ARPC5L: variants seen among roughly 807,000 people sequenced by gnomAD.
ARPC5L encodes actin related protein 2/3 complex subunit 5 like, also known as actin-related protein 2/3 complex subunit 5-like protein.
A neutral mutation model predicts 16.9 loss-of-function variants in ARPC5L; 4 were observed. The observed-to-expected ratio is 0.24, with a 90% CI of 0.12 to 0.54. The LOEUF is 0.54. Among genes scored for constraint, ARPC5L ranks in the 20% least tolerant of loss-of-function variants. The pLI, the probability that ARPC5L is intolerant of heterozygous loss-of-function variation, is 0.95. For missense variants in ARPC5L, 151 were observed against 201.9 expected (o/e 0.75, Z 1.53); for synonymous variants, 78 against 82.6 (o/e 0.94, Z 0.30).
chr9:124,863,071 C>T (rs867844432), intron 1 of ARPC5L, among the ~76,000 whole-genome samples: 8 of 152,176 alleles, frequency 5.3e-5, no homozygotes, highest in African/African-American at 1.4e-4. Flanking sequence ...TCAAGCAATC[C>T]GCCCTCCTCG....
Position 124,869,055 on chromosome 9 carries a change from G to C in ARPC5L, c.-236G>C. 1 of 399,718 alleles carries C rather than the reference G, an allele frequency of 2.5e-6. No individual in the cohort carries two copies. Among genetic ancestry groups the C allele is most frequent in the South Asian group, 8.5e-5 (1 of 11,796 alleles). 24.8% of individuals were successfully genotyped at this position (399,718 alleles called of 1,614,324 possible). On this transcript the variant is annotated 5_prime_UTR_variant, in exon 3 of 6. Transcript: ENST00000353214. ...GGGACACTGAGGTGGGGGAGGCTGC[G>C]GTGATCCCATACCGCACTCCAGGTG...
chr9:124,864,210 G>T (rs1829240957), intron 2 of ARPC5L, 103 bp downstream of exon 2: 1 of 150,382 alleles, frequency 6.6e-6, no homozygotes, highest in African/African-American at 2.4e-5. Flanking sequence ...TTTTGAAATG[G>T]AGTCTTGCTG....
At chr9:124,863,026 T>C (rs1316803088) in intron 1 of ARPC5L, among the ~76,000 whole-genome samples, 2 of 151,608 alleles carry the variant, frequency 1.3e-5, no homozygotes, top group Non-Finnish European at 2.9e-5. Flanking sequence ...TTGTTTATTT[T>C]TTGTAGAGCT....
rs370151427 is a variant in ARPC5L at position 124,876,802 on chromosome 9, C to T, written c.400-76C>T. 6.1e-5 allele frequency: 73 copies of T among 1,205,176 alleles called. No homozygotes were observed. The East Asian group carries it at 1.3e-3, about 21-fold the overall frequency. 74.7% of individuals were successfully genotyped at this position (1,205,176 alleles called of 1,614,324 possible). On this transcript the variant is annotated intron_variant, in intron 5 of 5. Coordinates refer to ENST00000353214, the MANE Select transcript of ARPC5L (RefSeq NM_030978.3). ...CGGGATCTAGGTCAGGGAATGTCCC[C>T]CCTGTCTCTGGCAAGCCAGGCTCCC...
chr9:124,866,392 A>C (rs1829271173), intron 2 of ARPC5L, among the ~76,000 whole-genome samples: 1 of 152,088 alleles, frequency 6.6e-6, no homozygotes, highest in East Asian at 1.9e-4. Context: ...CAACAGAGTG[A>C]GGCTCCATCT....
At chr9:124,870,319 T>G (rs1829337245) in intron 3 of ARPC5L, among the ~76,000 whole-genome samples, 1 of 152,236 alleles carries the variant, frequency 6.6e-6, no homozygotes, top group Admixed American at 6.5e-5. Flanking sequence ...TGCTTGGTCC[T>G]TTAGCAGTAT....
rs1253547068 is a variant in ARPC5L, at chr9:124,869,314, G to T, written c.24G>T (p.Ser8=). Residue 8 remains serine, a synonymous_variant, in exon 3 of 6, where the codon TCG becomes TCT. Coordinates refer to ENST00000353214, the MANE Select transcript of ARPC5L (RefSeq NM_030978.3). ...CCATGGCCCGGAACACGCTGTCCTCGCGCTTCCGCCGGGTGGACATCGACG... is the reference window on the plus strand; with the variant it reads ...CCATGGCCCGGAACACGCTGTCCTCTCGCTTCCGCCGGGTGGACATCGACG... MARNTLS[S]RFRRVDIDEF... The T allele has an allele frequency of 1.3e-6, 2 of 1,531,006 alleles. No individual in the cohort carries two copies. The highest frequency in any genetic ancestry group is 1.2e-5 in the South Asian group (1 of 83,402). 94.8% of individuals were successfully genotyped at this position (1,531,006 alleles called of 1,614,324 possible).
intron 1 of ARPC5L, among the ~76,000 whole-genome samples, chr9:124,862,816 A>C (rs551043551): frequency 6.7e-6 from 1 of 150,034 alleles, no homozygotes; most frequent in African/African-American, 2.4e-5. Context: ...GTGAGCCACC[A>C]CGCCTGGCCC....
In ARPC5L at chr9:124,868,671, G is replaced by A. The variant is rs144777614; in HGVS notation, c.-620G>A. 1,316 of 152,424 alleles carry A rather than the reference G, an allele frequency of 8.6e-3. 51 individuals are homozygous for A. Among genetic ancestry groups the A allele is most frequent in the Admixed American group, 0.066 (1,012 of 15,310 alleles). The allele number at this position is 152,424 out of a possible 1,614,324, so 9.4% of individuals were successfully genotyped here. ...TTAAGAGGGTCACCTCTGTGTACAGGCGGCCTCCTCGTACTAAGTGTGGTG... is the reference window on the plus strand; with the variant it reads ...TTAAGAGGGTCACCTCTGTGTACAGACGGCCTCCTCGTACTAAGTGTGGTG... On this transcript the variant is annotated 5_prime_UTR_variant, in exon 3 of 6. Transcript: ENST00000353214.
rs1829302370 is a variant in ARPC5L at position 124,868,520 on chromosome 9, GCCC to G, written c.-768_-766del. On this transcript the variant is annotated 5_prime_UTR_variant, in exon 3 of 6. Transcript: ENST00000353214. ...CACAGGGCCATCTCCCTCTCCTGGC[GCCC>G]CCAACTGCCTGGCCAAGGTGACTGC... The G allele has an allele frequency of 6.6e-6, 1 of 152,252 alleles. No homozygotes were observed. Among genetic ancestry groups the G allele is most frequent in the African/African-American group, 2.4e-5 (1 of 41,454 alleles). The allele number at this position is 152,252 out of a possible 1,614,324, so 9.4% of individuals were successfully genotyped here.
chr9:124,867,689 T>A (rs1193646323), intron 2 of ARPC5L, among the ~76,000 whole-genome samples: 1 of 152,206 alleles, frequency 6.6e-6, no homozygotes, highest in Non-Finnish European at 1.5e-5. Flanking sequence ...GTTCTGGGGA[T>A]ATGAATTTCT....
At chr9:124,863,503 A>T (rs1325855594) in intron 1 of ARPC5L, among the ~76,000 whole-genome samples, 1 of 152,210 alleles carries the variant, frequency 6.6e-6, no homozygotes, top group Non-Finnish European at 1.5e-5. Context: ...CTCTGCTGCC[A>T]AGGTAGTAGT....
intron 1 of ARPC5L, 65 bp from the exon 2 acceptor site, chr9:124,863,923 C>A (rs1157136129): frequency 6.6e-6 from 1 of 152,236 alleles, no homozygotes; most frequent in Non-Finnish European, 1.5e-5. Flanking sequence ...AACCTCTGTG[C>A]AATCCTTTCC....
At chr9:124,869,606 T>G (rs1262045870) in intron 3 of ARPC5L, among the ~76,000 whole-genome samples, 167 bp downstream of exon 3, 1 of 152,206 alleles carries the variant, frequency 6.6e-6, no homozygotes, top group Non-Finnish European at 1.5e-5. Context: ...CCGTGCTCCC[T>G]TGAGTCCCAG....
intron 1 of ARPC5L, among the ~76,000 whole-genome samples, chr9:124,863,126 G>A (rs1829226560): frequency 6.6e-6 from 1 of 152,058 alleles, no homozygotes; most frequent in African/African-American, 2.4e-5. Context: ...CACCTCGCCT[G>A]GCCATACAGC....
intron 4 of ARPC5L, among the ~76,000 whole-genome samples, chr9:124,874,707 T>TTCTC (rs35052557): frequency 0.34 from 50,611 of 149,304 alleles, 9,060 homozygotes; most frequent in Middle Eastern, 0.45. Context: ...CTCTTTTCTC[T>TTCTC]TCTCTCTCTC....
chr9:124,875,903 T>C (rs1277166062), intron 5 of ARPC5L, among the ~76,000 whole-genome samples: 3 of 152,180 alleles, frequency 2.0e-5, no homozygotes, highest in African/African-American at 7.2e-5. Context: ...GTGGTGTGGG[T>C]GCTGGGCTGT....
At chr9:124,876,362 C>T (rs981919301) in intron 5 of ARPC5L, among the ~76,000 whole-genome samples, 3 of 152,170 alleles carry the variant, frequency 2.0e-5, no homozygotes, top group Non-Finnish European at 4.4e-5. Flanking sequence ...TGGCGGGCGC[C>T]TGTAATCCCA....
chr9:124,875,047 T>A lies in ARPC5L; in HGVS notation c.295T>A (p.Ser99Thr), dbSNP rs367615280. The A allele has an allele frequency of 4.2e-5, 68 of 1,613,944 alleles. 1 individual carries two copies. The highest frequency in any genetic ancestry group is 5.4e-5 in the Non-Finnish European group (64 of 1,179,936). ...KSSEIEQAVQSLDRNGVDLLM... is the reference protein window; with the variant it reads ...KSSEIEQAVQTLDRNGVDLLM... ...CAGTGAGATTGAGCAGGCTGTGCAGTCACTGGACAGAAACGGCGTTGACTT... is the reference window on the plus strand; with the variant it reads ...CAGTGAGATTGAGCAGGCTGTGCAGACACTGGACAGAAACGGCGTTGACTT... Residue 99 changes from serine to threonine, a missense_variant, in exon 5 of 6, where the codon TCA (serine) becomes ACA (threonine). Ser to Thr is a moderately conservative substitution (Grantham distance 58). Coordinates refer to ENST00000353214, the MANE Select transcript of ARPC5L (RefSeq NM_030978.3).
Sources: gnomAD v4.1 joint callset for allele counts (sites outside exome capture counted in the v4.1 genomes callset) on GRCh38, gnomAD v4.1.1 for gene constraint, MANE v1.5 for transcripts, NCBI Gene and HGNC (gene_info 2026-07-23, HGNC 2026-07-21) for gene names.